Variants in ACVR1B observed in about 807,000 individuals in gnomAD.
ACVR1B encodes the protein activin A receptor type 1B.
A neutral mutation model predicts 55.6 loss-of-function variants in ACVR1B; 15 were observed. The ratio of observed to expected loss-of-function variants is 0.27; its 90% confidence interval spans 0.18 to 0.42. The LOEUF (loss-of-function observed/expected upper bound fraction) is 0.42. ACVR1B is among the 10% of genes least tolerant of loss of function. The probability of loss-of-function intolerance (pLI) is 1.00; values close to 1 mark genes in which losing one functional copy is unlikely to be tolerated. For synonymous variants in ACVR1B, 247 were observed against 254.6 expected, an observed-to-expected ratio of 0.97 and a Z score of 0.28; for missense variants, 359 against 670.1, an observed-to-expected ratio of 0.54 and a Z score of 5.13.
At position 51,987,170 on chromosome 12, in the gene ACVR1B, T is replaced by A. The variant is rs1460283936; in HGVS notation, c.1261+228T>A. The A allele has an allele frequency of 2.8e-6, 2 of 710,970 alleles. 1 individual carries two copies. The highest frequency in any genetic ancestry group is 3.1e-5 in the South Asian group (2 of 65,252). 44.0% of individuals were successfully genotyped at this position (710,970 alleles called of 1,614,324 possible). On this transcript the variant is annotated intron_variant, in intron 7 of 8. Transcript: ENST00000257963. ...GCGTTGTGTGTTATGGTAACCATTC[T>A]GAAGGCTCGTTTGGCTTTATAAACA...
At chr12:51,981,259 C>A in intron 4 of ACVR1B, 60 bp downstream of exon 4, 1 of 1,433,314 alleles carries the variant, frequency 7.0e-7, no homozygotes, top group Non-Finnish European at 9.7e-7. Context: ...AAGTGCATAG[C>A]TATGGGGTGC....
At chr12:51,964,975 C>T (rs960354919) in intron 1 of ACVR1B, among the ~76,000 whole-genome samples, 28 of 151,012 alleles carry the variant, frequency 1.9e-4, no homozygotes, top group Admixed American at 1.8e-3. Flanking sequence ...TTGGGATCGG[C>T]TTTTTCATTT....
intron 1 of ACVR1B, among the ~76,000 whole-genome samples, chr12:51,956,000 T>C (rs900727347): frequency 1.3e-4 from 20 of 152,390 alleles, no homozygotes; most frequent in African/African-American, 4.1e-4. Flanking sequence ...GCACCATTTC[T>C]GTCCATGTCT....
chr12:51,984,312 G>A, intron 5 of ACVR1B, 146 bp downstream of exon 5: 1 of 977,134 alleles, frequency 1.0e-6, no homozygotes, highest in Non-Finnish European at 1.5e-6. Context: ...AAGGAGGTTT[G>A]AGCTTCACTT....
At chr12:51,978,946 A>G (rs1270883592) in intron 3 of ACVR1B, among the ~76,000 whole-genome samples, 2 of 151,820 alleles carry the variant, frequency 1.3e-5, no homozygotes, top group Non-Finnish European at 2.9e-5. Flanking sequence ...GGCAGATCAC[A>G]TGAGGTCAAA....
chr12:51,962,972 CAGAGATTCCCGGACACGGTGGAGAGTCT>C lies in ACVR1B; in HGVS notation c.91+11147_91+11174del, dbSNP rs1941564545. Among the ~76,000 whole-genome samples the C allele has an allele frequency of 2.0e-5, 3 of 151,958 alleles. No individual in the cohort carries two copies. The South Asian group carries it at 6.2e-4, about 32-fold the overall frequency. ...GACACTGGTTTCCTCTTTGTGAGTTCAGAGATTCCCGGACACGGTGGAGAGTCTAGAGATTCAGGAAGAAGATAGTTTG... is the reference window on the plus strand; with the variant it reads ...GACACTGGTTTCCTCTTTGTGAGTTCAGAGATTCAGGAAGAAGATAGTTTG... On this transcript the variant is annotated intron_variant, in intron 1 of 8. Transcript: ENST00000257963.
intron 1 of ACVR1B, among the ~76,000 whole-genome samples, chr12:51,967,360 A>G (rs1941663205): frequency 6.6e-6 from 1 of 152,086 alleles, no homozygotes. Context: ...GGAGTTCGAG[A>G]CCAGCCTGGC....
At chr12:51,974,216 C>G (rs2120585709) in intron 1 of ACVR1B, among the ~76,000 whole-genome samples, 1 of 152,288 alleles carries the variant, frequency 6.6e-6, no homozygotes, top group South Asian at 2.1e-4. Context: ...GAGCCCCAGC[C>G]TCAGTGTTCT....
At chr12:51,959,746 A>G (rs1941481996) in intron 1 of ACVR1B, among the ~76,000 whole-genome samples, 1 of 152,208 alleles carries the variant, frequency 6.6e-6, no homozygotes, top group African/African-American at 2.4e-5. Flanking sequence ...CCCATCACTC[A>G]CATATAAAAA....
At chr12:51,967,356 C>T (rs1194003915) in intron 1 of ACVR1B, among the ~76,000 whole-genome samples, 4 of 152,168 alleles carry the variant, frequency 2.6e-5, no homozygotes, top group Non-Finnish European at 4.4e-5. Context: ...GTCAGGAGTT[C>T]GAGACCAGCC....
At chr12:51,965,841 C>T (rs569164477) in intron 1 of ACVR1B, among the ~76,000 whole-genome samples, 1 of 152,286 alleles carries the variant, frequency 6.6e-6, no homozygotes, top group East Asian at 1.9e-4. Context: ...AGTCTTAGAA[C>T]TACTTAAGGA....
chr12:51,981,421 TACTC>T (rs1403289066), intron 4 of ACVR1B, among the ~76,000 whole-genome samples: 2 of 152,290 alleles, frequency 1.3e-5, no homozygotes, highest in East Asian at 1.9e-4. Flanking sequence ...AAGCAGTTCT[TACTC>T]AGATAAACAA....
At chr12:51,975,761 G>A (rs1199802885) in intron 2 of ACVR1B, among the ~76,000 whole-genome samples, 1 of 152,232 alleles carries the variant, frequency 6.6e-6, no homozygotes, top group Non-Finnish European at 1.5e-5. Context: ...GCAGCGGTGA[G>A]GAGTGGAAGA....
intron 7 of ACVR1B, among the ~76,000 whole-genome samples, chr12:51,988,700 T>C (rs1053380872): frequency 6.6e-6 from 1 of 152,166 alleles, no homozygotes; most frequent in African/African-American, 2.4e-5. Context: ...ACAGAGAAGT[T>C]AGGAAATTTG....
chr12:51,977,052 A>G (rs536905688), intron 3 of ACVR1B, among the ~76,000 whole-genome samples: 21 of 152,308 alleles, frequency 1.4e-4, no homozygotes, highest in Admixed American at 1.2e-3. Context: ...CCAGTTGCCC[A>G]AGGGTTTTTG....
chr12:51,981,078 T>C lies in ACVR1B; in HGVS notation c.690T>C (p.Asp230=). The change falls in exon 4 of 9, where the codon GAT becomes GAC. Residue 230 remains aspartate (D), a synonymous_variant. Coordinates refer to ENST00000257963, the MANE Select transcript of ACVR1B (RefSeq NM_004302.5). ...GGCGGGGCCGCTGGAGGGGTGGTGA[T>C]GTGGCTGTGAAAATATTCTCTTCTC... The part of the protein sequence containing the change: ...EVWRGRWRGG[D]VAVKIFSSRE... The C allele has an allele frequency of 6.2e-7, 1 of 1,614,084 alleles. No homozygotes were observed.
rs185200314 is a variant in ACVR1B at position 51,991,838 on chromosome 12, A to T, written c.1262-25A>T. On this transcript the variant is annotated intron_variant, in intron 7 of 8. Transcript: ENST00000257963. Reference sequence around the variant, plus strand: ...AATCTTTTCCTGCTGTTGATAACTCAGGTAGATACTTTCTTTTCTCCCAGG... The same window carrying T: ...AATCTTTTCCTGCTGTTGATAACTCTGGTAGATACTTTCTTTTCTCCCAGG... The T allele has an allele frequency of 1.1e-5, 18 of 1,607,480 alleles. No homozygotes were observed. In the Admixed American group the frequency reaches 2.4e-4, roughly 21 times the overall value.
rs2120772044 is a variant in ACVR1B, at chr12:51,993,993, G to A, written c.1401G>A (p.Arg467=). Residue 467 remains arginine (R), a synonymous_variant, in exon 9 of 9, where the codon CGG becomes CGA. Coordinates refer to ENST00000257963, the MANE Select transcript of ACVR1B (RefSeq NM_004302.5). ...PNWWQSYEAL[R]VMGKMMRECW... is the part of the protein sequence containing the mutation. ...CCTGGGTCTCTGCACAGGCACTGCG[G>A]GTGATGGGGAAGATGATGCGAGAGT... 1.2e-6 allele frequency: 2 copies of A among 1,614,040 alleles called. No homozygotes were observed. Among genetic ancestry groups the A allele is most frequent in the Non-Finnish European group, 1.7e-6 (2 of 1,180,026 alleles).
chr12:51,989,154 G>A (rs974389888), intron 7 of ACVR1B, among the ~76,000 whole-genome samples: 1 of 152,052 alleles, frequency 6.6e-6, no homozygotes, highest in African/African-American at 2.4e-5. Context: ...TACTCAGGAG[G>A]TTGAGGTAGG....
Sources: allele counts gnomAD v4.1 joint callset (sites outside exome capture counted in the v4.1 genomes callset), GRCh38; gene constraint gnomAD v4.1.1; transcripts MANE v1.5; gene names NCBI Gene and HGNC (gene_info 2026-07-23, HGNC 2026-07-21).